The following SRD5A1 variants were observed in gnomAD, a reference collection of about 807,000 sequenced individuals.
SRD5A1 encodes the protein 3-oxo-5-alpha-steroid 4-dehydrogenase 1.
SRD5A1 carries 22 observed loss-of-function variants against 28.2 expected under a neutral mutation model. That is an observed-to-expected ratio of 0.78 (90% CI 0.56 to 1.12). SRD5A1 has a LOEUF of 1.12. Ranked by LOEUF, SRD5A1 falls within the 50% of genes most tolerant of loss-of-function variation. The pLI is 0.00. For synonymous variants in SRD5A1, 151 were observed against 135.0 expected (o/e 1.12, Z -0.82); for missense variants, 300 against 346.7 (o/e 0.87, Z 1.07).
chr5:6,635,351 TGAATATTAGTCA>T (rs1308706147), intron 1 of SRD5A1, among the ~76,000 whole-genome samples: 2 of 152,236 alleles, frequency 1.3e-5, no homozygotes, highest in Non-Finnish European at 2.9e-5. Flanking sequence ...TGCTACAATT[TGAATATTAGTCA>T]GACTTTGCTG....
At chr5:6,651,531 A>T (rs1468302608) in intron 1 of SRD5A1, among the ~76,000 whole-genome samples, 1 of 152,134 alleles carries the variant, frequency 6.6e-6, no homozygotes, top group African/African-American at 2.4e-5. Flanking sequence ...GTGGTGGCAC[A>T]TGCTTGTAGT....
intron 2 of SRD5A1, 24 bp from the exon 3 acceptor site, chr5:6,656,051 AATC>A: frequency 1.3e-6 from 2 of 1,583,842 alleles, no homozygotes; most frequent in Middle Eastern, 1.7e-4. Context: ...TATTAGCCAT[AATC>A]ATCTTGCAAT....
chr5:6,652,718 A>G (rs1738714297), intron 2 of SRD5A1, among the ~76,000 whole-genome samples: 1 of 151,900 alleles, frequency 6.6e-6, no homozygotes, highest in South Asian at 2.1e-4. Flanking sequence ...CAAAAAATAC[A>G]AAAACGTAGC....
intron 1 of SRD5A1, among the ~76,000 whole-genome samples, chr5:6,640,598 C>G (rs1341424053): frequency 6.6e-6 from 1 of 151,446 alleles, no homozygotes; most frequent in Non-Finnish European, 1.5e-5. Flanking sequence ...AACTCCTGGG[C>G]TCAAACAGTC....
chr5:6,657,598 G>A (rs1464289863), intron 3 of SRD5A1, among the ~76,000 whole-genome samples: 1 of 152,268 alleles, frequency 6.6e-6, no homozygotes, highest in African/African-American at 2.4e-5. Flanking sequence ...AAGGGACAGG[G>A]CACAGTCCTG....
At chr5:6,634,768 G>A (rs774476896) in intron 1 of SRD5A1, among the ~76,000 whole-genome samples, 5 of 152,194 alleles carry the variant, frequency 3.3e-5, no homozygotes, top group Non-Finnish European at 5.9e-5. Context: ...TTGAAAACTG[G>A]CTGTGTCTGA....
chr5:6,668,040 T>C (rs1160165092), intron 4 of SRD5A1, among the ~76,000 whole-genome samples, 162 bp from the exon 5 acceptor site: 1 of 152,252 alleles, frequency 6.6e-6, no homozygotes, highest in Non-Finnish European at 1.5e-5. Flanking sequence ...TTCTTCATGA[T>C]AATAGGCAAA....
At chr5:6,660,429 G>C (rs73033327) in intron 3 of SRD5A1, among the ~76,000 whole-genome samples, 1 of 152,232 alleles carries the variant, frequency 6.6e-6, no homozygotes, top group Non-Finnish European at 1.5e-5. Context: ...CATCTGCAGG[G>C]TATGGTACAA....
chr5:6,652,205 G>A (rs1332930804), intron 2 of SRD5A1, among the ~76,000 whole-genome samples, 197 bp downstream of exon 2: 1 of 152,234 alleles, frequency 6.6e-6, no homozygotes, highest in Non-Finnish European at 1.5e-5. Context: ...CAGGTGCTGG[G>A]CACCTTCCCC....
At chr5:6,655,152 C>T (rs1360847846) in intron 2 of SRD5A1, among the ~76,000 whole-genome samples, 1 of 152,198 alleles carries the variant, frequency 6.6e-6, no homozygotes, top group African/African-American at 2.4e-5. Flanking sequence ...CTGGTGATGA[C>T]TCAGATAATA....
rs1267886200 is a variant in SRD5A1, at chr5:6,668,686, C to T, written c.*418C>T. The T allele has an allele frequency of 1.3e-5, 2 of 153,788 alleles. No homozygotes were observed. The highest frequency in any genetic ancestry group is 1.9e-4 in the East Asian group (1 of 5,268). 9.5% of individuals were successfully genotyped at this position (153,788 alleles called of 1,614,324 possible). On this transcript the variant is annotated 3_prime_UTR_variant, in exon 5 of 5. Transcript: ENST00000274192. ...CAACTGCAGTGTTGCTTCCCTCCCC[C>T]TATAGGGCTGGAATCTGTCTAGGAG... is the stretch of plus-strand genomic sequence containing the variant.
intron 4 of SRD5A1, 25 bp from the exon 5 acceptor site, chr5:6,668,177 T>G: frequency 7.0e-7 from 1 of 1,432,938 alleles, no homozygotes; most frequent in Non-Finnish European, 9.6e-7. Context: ...CAGAATTATT[T>G]CCTTTTTTAA....
At chr5:6,643,625 A>G (rs761516040) in intron 1 of SRD5A1, among the ~76,000 whole-genome samples, 1 of 152,088 alleles carries the variant, frequency 6.6e-6, no homozygotes, top group African/African-American at 2.4e-5. Context: ...GGGTGCTCCC[A>G]GTGTCCTTAA....
At chr5:6,659,867 A>G (rs951117523) in intron 3 of SRD5A1, among the ~76,000 whole-genome samples, 2 of 152,110 alleles carry the variant, frequency 1.3e-5, no homozygotes, top group African/African-American at 4.8e-5. Flanking sequence ...AGACTCCACC[A>G]TGGTCGGCTT....
At chr5:6,662,070 C>T (rs1739021892) in intron 3 of SRD5A1, among the ~76,000 whole-genome samples, 3 of 152,140 alleles carry the variant, frequency 2.0e-5, no homozygotes, top group African/African-American at 7.2e-5. Context: ...GTGTGCCAGC[C>T]ATTGCTGTCT....
chr5:6,651,056 C>T (rs1466628652), intron 1 of SRD5A1, among the ~76,000 whole-genome samples: 1 of 152,062 alleles, frequency 6.6e-6, no homozygotes, highest in Non-Finnish European at 1.5e-5. Flanking sequence ...GATAAGAGTG[C>T]CTCTGCCTGG....
rs377527348 is a variant in SRD5A1 at position 6,673,481 on chromosome 5, T to C, written c.*5213T>C. ...AACAGGAACTCTCATTCACGGCTGG[T>C]GGGGATGCAAAGTGGTGGAGCCACT... On this transcript the variant is annotated 3_prime_UTR_variant, in exon 5 of 5. Coordinates refer to ENST00000274192, the MANE Select transcript of SRD5A1 (RefSeq NM_001047.4). 1 of 152,130 alleles carries C rather than the reference T, an allele frequency of 6.6e-6. No homozygotes were observed. Among genetic ancestry groups the C allele is most frequent in the Non-Finnish European group, 1.5e-5 (1 of 68,028 alleles). 9.4% of individuals were successfully genotyped at this position (152,130 alleles called of 1,614,324 possible).
At chr5:6,649,924 G>A (rs1205375035) in intron 1 of SRD5A1, among the ~76,000 whole-genome samples, 2 of 152,120 alleles carry the variant, frequency 1.3e-5, no homozygotes, top group South Asian at 4.1e-4. Context: ...AATATATAGA[G>A]AGCAGTAATA....
chr5:6,662,848 T>C lies in SRD5A1; in HGVS notation c.595T>C (p.Tyr199His), dbSNP rs760986295. Reference sequence around the variant, plus strand: ...ATTTGAATACGTAACTGCAGCCAACTATTTTGGAGAAATCATGGAGTGGTG... The same window carrying C: ...ATTTGAATACGTAACTGCAGCCAACCATTTTGGAGAAATCATGGAGTGGTG... ...GLFEYVTAAN[Y>H]FGEIMEWCGY... The change falls in exon 4 of 5, where the codon TAT (tyrosine) becomes CAT (histidine). Residue 199 changes from tyrosine (Y) to histidine (H), a missense_variant. Transcript: ENST00000274192. 3 of 1,612,812 alleles carry C rather than the reference T, an allele frequency of 1.9e-6. No homozygotes were observed. Among genetic ancestry groups the C allele is most frequent in the Non-Finnish European group, 2.5e-6 (3 of 1,180,022 alleles).
Sources: allele counts gnomAD v4.1 joint callset (sites outside exome capture counted in the v4.1 genomes callset), GRCh38; gene constraint gnomAD v4.1.1; transcripts MANE v1.5; gene names NCBI Gene and HGNC (gene_info 2026-07-23, HGNC 2026-07-21).